BMPR1B: variants seen among roughly 807,000 people sequenced by gnomAD.
The protein encoded by BMPR1B is bone morphogenetic protein receptor type-1B.
Under a neutral mutation model 59.1 loss-of-function variants are expected in BMPR1B, and 12 were observed. The ratio of observed to expected loss-of-function variants is 0.20; its 90% confidence interval spans 0.13 to 0.33. BMPR1B has a LOEUF of 0.33. Ranked by LOEUF, BMPR1B falls within the 10% of genes least tolerant of loss-of-function variation. The pLI is 1.00. For synonymous variants in BMPR1B, 237 were observed against 207.3 expected, an observed-to-expected ratio of 1.14 and a Z score of -1.23; for missense variants, 550 against 610.9, an observed-to-expected ratio of 0.90 and a Z score of 1.05.
chr4:95,050,454 A>G (rs1726415512), intron 3 of BMPR1B, among the ~76,000 whole-genome samples: 1 of 152,234 alleles, frequency 6.6e-6, no homozygotes, highest in African/African-American at 2.4e-5. Flanking sequence ...TGATTGTAGT[A>G]TGTGTAAAAT....
intron 11 of BMPR1B, among the ~76,000 whole-genome samples, chr4:95,151,389 T>C (rs1735032399): frequency 6.6e-6 from 1 of 152,186 alleles, no homozygotes; most frequent in African/African-American, 2.4e-5. Context: ...GCCTTCAGGC[T>C]GTTTCCAGGG....
rs1476801215 is a variant in BMPR1B, at chr4:95,093,874, G to A, written c.-17-10534G>A. ...TGTGTCTCTTAACCTACTCATTAGT[G>A]TTGACCATGAGTGGCTGAAATTAAA... is the stretch of plus-strand genomic sequence containing the variant. On this transcript the variant is annotated intron_variant, in intron 3 of 12. Coordinates refer to ENST00000515059, the MANE Select transcript of BMPR1B (RefSeq NM_001203.3). 3.3e-5 allele frequency among the ~76,000 whole-genome samples: 5 copies of A among 152,140 alleles called. No homozygotes were observed. In the East Asian group the frequency reaches 9.7e-4, roughly 29 times the overall value.
chr4:94,810,609 T>C (rs954502580), intron 1 of BMPR1B, among the ~76,000 whole-genome samples: 1 of 152,352 alleles, frequency 6.6e-6, no homozygotes, highest in African/African-American at 2.4e-5. Flanking sequence ...TTATATTTTA[T>C]GTGGCAGGTA....
At chr4:95,152,601 A>G in intron 11 of BMPR1B, 42 bp from the exon 12 acceptor site, 1 of 1,459,248 alleles carries the variant, frequency 6.9e-7, no homozygotes, top group South Asian at 1.4e-5. Flanking sequence ...TACTTCACAG[A>G]AAATAATAAT....
intron 3 of BMPR1B, among the ~76,000 whole-genome samples, chr4:95,100,092 A>G (rs187057698): frequency 6.6e-6 from 1 of 152,224 alleles, no homozygotes; most frequent in Admixed American, 6.5e-5. Flanking sequence ...AGTCCTATGC[A>G]ATGTCTCATC....
At chr4:95,029,179 G>A (rs1560604869) in intron 3 of BMPR1B, among the ~76,000 whole-genome samples, 3 of 151,604 alleles carry the variant, frequency 2.0e-5, no homozygotes, top group Admixed American at 1.3e-4. Flanking sequence ...CATGTGCCAT[G>A]CTGGTGTGCT....
At chr4:95,003,639 A>G (rs1476441572) in intron 3 of BMPR1B, among the ~76,000 whole-genome samples, 5 of 152,102 alleles carry the variant, frequency 3.3e-5, no homozygotes, top group Admixed American at 2.0e-4. Flanking sequence ...ATGTATATGT[A>G]TATTTTATTA....
chr4:95,094,733 T>C (rs879348812), intron 3 of BMPR1B, among the ~76,000 whole-genome samples: 1 of 152,092 alleles, frequency 6.6e-6, no homozygotes, highest in Admixed American at 6.6e-5. Flanking sequence ...TACATCGTCA[T>C]CAAGTCTAGC....
chr4:94,875,616 G>A (rs113085627), intron 1 of BMPR1B, among the ~76,000 whole-genome samples: 5,244 of 152,124 alleles, frequency 0.034, 299 homozygotes, highest in African/African-American at 0.12. Context: ...CCCGGGAGGC[G>A]GAGCTTGCAG....
chr4:95,042,870 A>G (rs538428622), intron 3 of BMPR1B, among the ~76,000 whole-genome samples: 1 of 152,234 alleles, frequency 6.6e-6, no homozygotes, highest in African/African-American at 2.4e-5. Flanking sequence ...TTACTCTGTA[A>G]TGATTAACAT....
chr4:94,776,449 A>T (rs1230761269), intron 1 of BMPR1B, among the ~76,000 whole-genome samples: 1 of 152,206 alleles, frequency 6.6e-6, no homozygotes, highest in Non-Finnish European at 1.5e-5. Context: ...ATTCTAAGTT[A>T]ATTTTGGTTC....
intron 1 of BMPR1B, among the ~76,000 whole-genome samples, chr4:94,841,305 T>C (rs1279783237): frequency 2.8e-4 from 39 of 139,662 alleles, no homozygotes; most frequent in African/African-American, 4.8e-4. Flanking sequence ...TCGAGCTTCC[T>C]GGCTGCTTTG....
At chr4:95,063,305 T>C (rs1485808830) in intron 3 of BMPR1B, among the ~76,000 whole-genome samples, 3 of 152,156 alleles carry the variant, frequency 2.0e-5, no homozygotes, top group African/African-American at 4.8e-5. Flanking sequence ...CATGTTTCCA[T>C]TTATAGATGT....
intron 3 of BMPR1B, among the ~76,000 whole-genome samples, chr4:95,064,308 G>C (rs1727638348): frequency 1.3e-5 from 2 of 152,210 alleles, no homozygotes; most frequent in Admixed American, 6.5e-5. Context: ...TGAGCAGTTG[G>C]CAAGTGAGCA....
chr4:94,898,837 G>A (rs1323682480), intron 2 of BMPR1B, among the ~76,000 whole-genome samples: 1 of 151,944 alleles, frequency 6.6e-6, no homozygotes, highest in Non-Finnish European at 1.5e-5. Context: ...ATTTATTAAT[G>A]TAATCAGAAA....
intron 4 of BMPR1B, among the ~76,000 whole-genome samples, chr4:95,109,446 G>A (rs1030657029): frequency 6.6e-6 from 1 of 152,102 alleles, no homozygotes; most frequent in Non-Finnish European, 1.5e-5. Flanking sequence ...CTCTTACTGA[G>A]TGTGGTGGTA....
chr4:94,959,764 T>A (rs114691184), intron 2 of BMPR1B, among the ~76,000 whole-genome samples: 4,413 of 152,188 alleles, frequency 0.029, 200 homozygotes, highest in African/African-American at 0.1. Context: ...AATAAAAATA[T>A]TATGTGAGTT....
intron 3 of BMPR1B, among the ~76,000 whole-genome samples, chr4:95,099,444 C>G (rs1050182614): frequency 6.6e-6 from 1 of 152,062 alleles, no homozygotes; most frequent in Non-Finnish European, 1.5e-5. Context: ...AATTATGGCC[C>G]CTTTGAAAGT....
At chr4:95,013,596 T>C (rs896155735) in intron 3 of BMPR1B, among the ~76,000 whole-genome samples, 2 of 152,096 alleles carry the variant, frequency 1.3e-5, no homozygotes, top group Non-Finnish European at 2.9e-5. Flanking sequence ...TAAAGATGAT[T>C]TAAAAAATTA....
Sources: gnomAD v4.1 joint callset for allele counts (sites outside exome capture counted in the v4.1 genomes callset) on GRCh38, gnomAD v4.1.1 for gene constraint, MANE v1.5 for transcripts, NCBI Gene and HGNC (gene_info 2026-07-23, HGNC 2026-07-21) for gene names.